The following BBS7 variants were observed in gnomAD, a reference collection of about 807,000 sequenced individuals.
BBS7 encodes Bardet-Biedl syndrome 7.
A neutral mutation model predicts 90.3 loss-of-function variants in BBS7; 50 were observed. The observed-to-expected ratio is 0.55, with a 90% confidence interval of 0.44 to 0.70. BBS7 has a LOEUF of 0.70. Ranked by LOEUF, BBS7 falls within the 30% of genes least tolerant of loss-of-function variation. The pLI is 0.00. For synonymous variants in BBS7, 235 were observed against 287.4 expected (o/e 0.82, Z 1.85); for missense variants, 729 against 838.9 (o/e 0.87, Z 1.62).
intron 10 of BBS7, among the ~76,000 whole-genome samples, chr4:121,846,510 T>G (rs1055712696): frequency 4.6e-5 from 7 of 152,154 alleles, no homozygotes; most frequent in Non-Finnish European, 8.8e-5. Context: ...AAATCAGATA[T>G]AAGTTTCTCA....
intron 12 of BBS7, among the ~76,000 whole-genome samples, chr4:121,841,362 G>A (rs1294746439): frequency 1.3e-5 from 2 of 151,888 alleles, no homozygotes; most frequent in African/African-American, 4.8e-5. Flanking sequence ...TTCAAGACCA[G>A]CCTGGGCAAC....
Position 121,854,710 on chromosome 4 carries a change from T to C in BBS7, c.712A>G (p.Arg238Gly). ...AACTACATGAAAAGCATACCTCCTCTCTTTTTCTCATTTTGAATTTCCCAC... is the reference window on the plus strand; with the variant it reads ...AACTACATGAAAAGCATACCTCCTCCCTTTTTCTCATTTTGAATTTCCCAC... ...RKWEIQNEKK[R>G]GGILCIDSFD... is the part of the protein sequence containing the mutation. Residue 238 changes from arginine (R) to glycine (G), a missense_variant, in exon 7 of 19, where the codon AGA becomes GGA. Coordinates refer to ENST00000264499, the MANE Select transcript of BBS7 (RefSeq NM_176824.3). The C allele has an allele frequency of 1.2e-6, 2 of 1,611,466 alleles. No homozygotes were observed. The highest frequency in any genetic ancestry group is 2.2e-5 in the East Asian group (1 of 44,694).
At chr4:121,833,858 C>A (rs1725319151) in intron 14 of BBS7, among the ~76,000 whole-genome samples, 1 of 151,912 alleles carries the variant, frequency 6.6e-6, no homozygotes, top group Non-Finnish European at 1.5e-5. Context: ...TTTAAAAAAG[C>A]TTATCTAGTA....
rs190224489 is a variant in BBS7, at chr4:121,866,398, G to A, written c.102+1583C>T. Among the ~76,000 whole-genome samples, 45 of 152,046 alleles carry A rather than the reference G, an allele frequency of 3.0e-4. No homozygotes were observed. The East Asian group carries it at 7.9e-3, about 27-fold the overall frequency. On this transcript the variant is annotated intron_variant, in intron 2 of 18. Transcript: ENST00000264499. ...GAGTCTTCCTCTCCTGAGTAGCTGG[G>A]ATTACAGGTGCCTGCCACAATGACA... is the stretch of plus-strand genomic sequence containing the variant.
At chr4:121,855,850 G>GTACA (rs372563988) in intron 5 of BBS7, among the ~76,000 whole-genome samples, 1 of 84,308 alleles carries the variant, frequency 1.2e-5, no homozygotes, top group African/African-American at 3.3e-5. Context: ...ATACATATAT[G>GTACA]CACATGTATG....
chr4:121,825,971 T>C lies in BBS7; in HGVS notation c.2037A>G (p.Ile679Met). Residue 679 changes from isoleucine (I) to methionine (M), a missense_variant, in exon 19 of 19, where the codon ATA becomes ATG. Physicochemically the swap from Ile to Met is conservative, Grantham distance 10. Transcript: ENST00000264499. ...TGGTGCCTTTAAACTTAAATTTATC[T>C]ATGAAAAGATCAGTGATCATGCCTT... ...RLYGMITDLF[I>M]DKFKFKGTNV... is the part of the protein sequence containing the mutation. 2 of 1,603,458 alleles carry C rather than the reference T, an allele frequency of 1.2e-6. No homozygotes were observed. Among genetic ancestry groups the C allele is most frequent in the Non-Finnish European group, 1.7e-6 (2 of 1,171,330 alleles).
At chr4:121,869,301 G>A (rs966017789) in intron 1 of BBS7, among the ~76,000 whole-genome samples, 5 of 152,150 alleles carry the variant, frequency 3.3e-5, no homozygotes, top group Admixed American at 2.0e-4. Context: ...TTTTAGGTCT[G>A]AAAGAAATTC....
chr4:121,827,248 A>G lies in BBS7; in HGVS notation c.2014+898T>C, dbSNP rs561873917. The stretch of plus-strand genomic sequence containing the variant: ...ACATTAAATATAGCTACAGTTTGTG[A>G]GAAAGTCTCTGGATATGTAATAAAA... On this transcript the variant is annotated intron_variant, in intron 18 of 18. Transcript: ENST00000264499. Among the ~76,000 whole-genome samples, 80 of 152,344 alleles carry G rather than the reference A, an allele frequency of 5.3e-4. 1 individual carries two copies. In the South Asian group the frequency reaches 0.016, roughly 30 times the overall value.
intron 8 of BBS7, among the ~76,000 whole-genome samples, chr4:121,850,844 A>G (rs1283501110): frequency 6.6e-6 from 1 of 152,212 alleles, no homozygotes; most frequent in African/African-American, 2.4e-5. Context: ...CCTCTGAGCT[A>G]TCCTGCAAAT....
chr4:121,845,862 A>G (rs1171304898), intron 10 of BBS7, among the ~76,000 whole-genome samples, 166 bp from the exon 11 acceptor site: 2 of 152,198 alleles, frequency 1.3e-5, no homozygotes, highest in Non-Finnish European at 2.9e-5. Context: ...ATGACTGACT[A>G]AATGATTCCA....
In BBS7 at chr4:121,828,462, G is replaced by A. The variant is rs1725012662; in HGVS notation, c.1830C>T (p.His610=). The change falls in exon 17 of 19, where the codon CAC becomes CAT. Residue 610 remains histidine, a synonymous_variant. Coordinates refer to ENST00000264499, the MANE Select transcript of BBS7 (RefSeq NM_176824.3). Reference sequence around the variant, plus strand: ...AAAGCAACTGGTACTCCAGCTTTGGGTGGATTAGCTTTAAAGTGTGTTTGA... The same window carrying A: ...AAAGCAACTGGTACTCCAGCTTTGGATGGATTAGCTTTAAAGTGTGTTTGA... The part of the protein sequence containing the change: ...VSVKHTLKLI[H]PKLEYQLLLA... 1.9e-6 allele frequency: 3 copies of A among 1,613,920 alleles called. No homozygotes were observed. The highest frequency in any genetic ancestry group is 1.3e-5 in the African/African-American group (1 of 75,034).
intron 4 of BBS7, among the ~76,000 whole-genome samples, chr4:121,860,797 A>G (rs1726931715): frequency 6.6e-6 from 1 of 152,152 alleles, no homozygotes; most frequent in African/African-American, 2.4e-5. Flanking sequence ...TTTGGGCTGA[A>G]TCAGTTGTTT....
chr4:121,836,812 T>C (rs1225969581), intron 13 of BBS7, among the ~76,000 whole-genome samples: 1 of 152,200 alleles, frequency 6.6e-6, no homozygotes, highest in Non-Finnish European at 1.5e-5. Flanking sequence ...CCTTGCCCCC[T>C]AGTGATGTTG....
At chr4:121,837,024 A>G (rs948776967) in intron 13 of BBS7, among the ~76,000 whole-genome samples, 1 of 151,900 alleles carries the variant, frequency 6.6e-6, no homozygotes, top group Non-Finnish European at 1.5e-5. Context: ...CAGTGGCACA[A>G]TCTCAGCTCA....
rs754518306 is a variant in BBS7 at position 121,861,570 on chromosome 4, C to G, written c.275G>C (p.Gly92Ala). ...GAACTGTTTTCCTCTTTTTGTGAAG[C>G]CTCTAATCTCAGATGCTGCAGCAAT... ...IFIAAASEIR[G>A]FTKRGKQFLS... Residue 92 changes from glycine to alanine, a missense_variant, in exon 4 of 19, where the codon GGC (glycine) becomes GCC (alanine). Transcript: ENST00000264499. 6.2e-7 allele frequency: 1 copy of G among 1,613,372 alleles called. No homozygotes were observed. The highest frequency in any genetic ancestry group is 2.2e-5 in the East Asian group (1 of 44,842).
At chr4:121,838,904 A>C (rs1578536442) in intron 13 of BBS7, among the ~76,000 whole-genome samples, 1 of 68,722 alleles carries the variant, frequency 1.5e-5, no homozygotes. Flanking sequence ...ACTCCATCTC[A>C]AAAAAAAAAA....
intron 2 of BBS7, 76 bp downstream of exon 2, chr4:121,867,902 TTAA>T (rs1727373261): frequency 8.1e-7 from 1 of 1,237,768 alleles, no homozygotes. Flanking sequence ...AGAGAATAAC[TTAA>T]TAATAAAGAA....
At chr4:121,860,699 C>A (rs1338131536) in intron 4 of BBS7, among the ~76,000 whole-genome samples, 1 of 152,080 alleles carries the variant, frequency 6.6e-6, no homozygotes, top group Non-Finnish European at 1.5e-5. Context: ...CATATTTCCA[C>A]TTATCATGGT....
rs1463305018 is a variant in BBS7, at chr4:121,852,936, G to A, written c.849+20C>T. Reference sequence around the variant, plus strand: ...TAATTTGACAAATAATAAGCATATAGTCTTTTTTAATGAACTTACCTGATC... The same window carrying A: ...TAATTTGACAAATAATAAGCATATAATCTTTTTTAATGAACTTACCTGATC... On this transcript the variant is annotated intron_variant, in intron 8 of 18. Coordinates refer to ENST00000264499, the MANE Select transcript of BBS7 (RefSeq NM_176824.3). 1 of 1,610,672 alleles carries A rather than the reference G, an allele frequency of 6.2e-7. No homozygotes were observed. Among genetic ancestry groups the A allele is most frequent in the African/African-American group, 1.3e-5 (1 of 74,778 alleles).
Sources: allele counts gnomAD v4.1 joint callset (sites outside exome capture counted in the v4.1 genomes callset), GRCh38; gene constraint gnomAD v4.1.1; transcripts MANE v1.5; gene names NCBI Gene and HGNC (gene_info 2026-07-23, HGNC 2026-07-21).